The following GNG11 variants were observed in gnomAD, a reference collection of about 807,000 sequenced individuals.
GNG11 encodes the protein G protein subunit gamma 11.
Under a neutral mutation model 7.4 loss-of-function variants are expected in GNG11, and 6 were observed. That is an observed-to-expected ratio of 0.81 (90% CI 0.44 to 1.60). The LOEUF is 1.60. GNG11 is among the 40% of genes most tolerant of loss of function. The pLI is 0.01. For missense variants in GNG11, 65 were observed against 83.0 expected, an observed-to-expected ratio of 0.78 and a Z score of 0.84; for synonymous variants, 31 against 25.9, an observed-to-expected ratio of 1.20 and a Z score of -0.60.
intron 1 of GNG11, among the ~76,000 whole-genome samples, chr7:93,923,872 G>C (rs1794645281): frequency 6.6e-6 from 1 of 151,996 alleles, no homozygotes; most frequent in Non-Finnish European, 1.5e-5. Context: ...AAAAAACTTT[G>C]GATATATGTA....
rs372409469 is a variant in GNG11 at position 93,922,249 on chromosome 7, C to G, written c.96+16C>G. ...GAGACAACAAGTAAGTTGGCTGTTC[C>G]GGAATATTTCCTTCTCTGAAATGAA... is the stretch of plus-strand genomic sequence containing the variant. On this transcript the variant is annotated intron_variant, in intron 1 of 1. Transcript: ENST00000248564. 7.0e-7 allele frequency: 1 copy of G among 1,438,330 alleles called. No homozygotes were observed. Among genetic ancestry groups the G allele is most frequent in the South Asian group, 1.2e-5 (1 of 80,410 alleles). The allele number at this position is 1,438,330 out of a possible 1,614,324, so 89.1% of individuals were successfully genotyped here.
At chr7:93,923,363 T>C (rs1338841108) in intron 1 of GNG11, among the ~76,000 whole-genome samples, 2 of 152,186 alleles carry the variant, frequency 1.3e-5, no homozygotes, top group Admixed American at 1.3e-4. Flanking sequence ...AAATCCCGGC[T>C]CTTCCTAGCT....
intron 1 of GNG11, among the ~76,000 whole-genome samples, chr7:93,922,911 T>C (rs1794634457): frequency 6.6e-6 from 1 of 152,204 alleles, no homozygotes; most frequent in Non-Finnish European, 1.5e-5. Context: ...TGATAGAGAT[T>C]ACCATTTCAT....
chr7:93,924,939 C>T (rs565460686), intron 1 of GNG11, among the ~76,000 whole-genome samples: 13 of 152,234 alleles, frequency 8.5e-5, no homozygotes, highest in South Asian at 6.2e-4. Flanking sequence ...CCAAGGCGGG[C>T]GGATCACGAG....
chr7:93,922,340 T>C lies in GNG11; in HGVS notation c.96+107T>C. On this transcript the variant is annotated intron_variant, in intron 1 of 1. Coordinates refer to ENST00000248564, the MANE Select transcript of GNG11 (RefSeq NM_004126.4). ...TAGTTTAGCTTATTTTTCCCCCTTT[T>C]TGTAGCTTCTCTTCTCACCACCCTT... is the stretch of plus-strand genomic sequence containing the variant. 5 of 616,282 alleles carry C rather than the reference T, an allele frequency of 8.1e-6. No homozygotes were observed. The South Asian group carries it at 1.3e-4, about 15-fold the overall frequency. 38.2% of individuals were successfully genotyped at this position (616,282 alleles called of 1,614,324 possible).
Position 93,921,951 on chromosome 7 carries a change from T to C in GNG11, c.-187T>C. 2.1e-6 allele frequency: 1 copy of C among 474,130 alleles called. No homozygotes were observed. The highest frequency in any genetic ancestry group is 4.0e-5 in the South Asian group (1 of 24,774). 29.4% of individuals were successfully genotyped at this position (474,130 alleles called of 1,614,324 possible). ...CAGGTCCTAGGAAGCTGGGGCACGC[T>C]GGCGTGACAAGCGTCCCGGAGAAAG... On this transcript the variant is annotated 5_prime_UTR_variant, in exon 1 of 2. Transcript: ENST00000248564.
chr7:93,922,093 C>T lies in GNG11; in HGVS notation c.-45C>T. 2.4e-6 allele frequency: 3 copies of T among 1,261,754 alleles called. No homozygotes were observed. The highest frequency in any genetic ancestry group is 1.1e-6 in the Non-Finnish European group (1 of 903,036). The allele number at this position is 1,261,754 out of a possible 1,614,324, so 78.2% of individuals were successfully genotyped here. The stretch of plus-strand genomic sequence containing the variant: ...GCGCCGAGCTTCGCCGCTCTTCCAG[C>T]GGCTCCGCTGCCAGAGCTAGCCCGA... On this transcript the variant is annotated 5_prime_UTR_variant, in exon 1 of 2. Coordinates refer to ENST00000248564, the MANE Select transcript of GNG11 (RefSeq NM_004126.4).
In GNG11 at chr7:93,921,892, T is replaced by C. The variant is rs768193158; in HGVS notation, c.-246T>C. ...TCATCTAGCACCCGGGCAGGCCTCC[T>C]GGGTTGCAGGGACTTGAGAAAAGGC... On this transcript the variant is annotated 5_prime_UTR_variant, in exon 1 of 2. Coordinates refer to ENST00000248564, the MANE Select transcript of GNG11 (RefSeq NM_004126.4). 22 of 358,976 alleles carry C rather than the reference T, an allele frequency of 6.1e-5. No individual in the cohort carries two copies. In the Middle Eastern group the frequency reaches 2.3e-3, roughly 37 times the overall value. 22.2% of individuals were successfully genotyped at this position (358,976 alleles called of 1,614,324 possible). A position where few individuals can be genotyped will look rare whatever the true frequency, so the allele number is the denominator to read the frequency against.
rs1794617758 is a variant in GNG11 at position 93,922,023 on chromosome 7, C to A, written c.-115C>A. On this transcript the variant is annotated 5_prime_UTR_variant, in exon 1 of 2. Transcript: ENST00000248564. The stretch of plus-strand genomic sequence containing the variant: ...GACCGCAGCAGGGCTGCAGTCACAT[C>A]CTGCGCGGGTGGGCGGCGGGCCAGG... 3.4e-6 allele frequency: 2 copies of A among 591,594 alleles called. No homozygotes were observed. The highest frequency in any genetic ancestry group is 2.4e-5 in the South Asian group (1 of 41,286). 36.6% of individuals were successfully genotyped at this position (591,594 alleles called of 1,614,324 possible).
Position 93,921,958 on chromosome 7 carries a change from A to T in GNG11, c.-180A>T, listed in dbSNP as rs1794616290. 1 of 474,274 alleles carries T rather than the reference A, an allele frequency of 2.1e-6. No individual in the cohort carries two copies. Among genetic ancestry groups the T allele is most frequent in the Non-Finnish European group, 3.9e-6 (1 of 258,252 alleles). The allele number at this position is 474,274 out of a possible 1,614,324, so 29.4% of individuals were successfully genotyped here. ...TAGGAAGCTGGGGCACGCTGGCGTG[A>T]CAAGCGTCCCGGAGAAAGCCAAGCC... On this transcript the variant is annotated 5_prime_UTR_variant, in exon 1 of 2. Transcript: ENST00000248564.
At chr7:93,923,537 A>C (rs1247904603) in intron 1 of GNG11, among the ~76,000 whole-genome samples, 3 of 152,224 alleles carry the variant, frequency 2.0e-5, no homozygotes, top group African/African-American at 7.2e-5. Context: ...CAGTACAGCA[A>C]GTGCTGGCCA....
At position 93,926,136 on chromosome 7, in the gene GNG11, T is replaced by C; in HGVS notation, c.142T>C (p.Ser48Pro). 1 of 1,575,394 alleles carries C rather than the reference T, an allele frequency of 6.3e-7. No homozygotes were observed. Among genetic ancestry groups the C allele is most frequent in the Non-Finnish European group, 8.7e-7 (1 of 1,150,470 alleles). ...EEIKNYIEER[S>P]GEDPLVKGIP... ...AATAAAGAACTATATTGAAGAACGT[T>C]CTGGAGAGGATCCTCTAGTAAAGGG... Residue 48 changes from serine to proline, a missense_variant, in exon 2 of 2, where the codon TCT becomes CCT. Ser to Pro is a moderately conservative substitution (Grantham distance 74). Coordinates refer to ENST00000248564, the MANE Select transcript of GNG11 (RefSeq NM_004126.4).
At chr7:93,923,078 G>T (rs1407313518) in intron 1 of GNG11, among the ~76,000 whole-genome samples, 2 of 152,108 alleles carry the variant, frequency 1.3e-5, no homozygotes, top group African/African-American at 2.4e-5. Context: ...GACTAGGAAA[G>T]GTCTTTGAAT....
chr7:93,925,446 T>C (rs905451076), intron 1 of GNG11, among the ~76,000 whole-genome samples: 1 of 152,212 alleles, frequency 6.6e-6, no homozygotes, highest in African/African-American at 2.4e-5. Context: ...CTCAGATAAG[T>C]CTTTTATTAT....
chr7:93,926,073 T>C lies in GNG11; in HGVS notation c.97-18T>C, dbSNP rs1794675584. The stretch of plus-strand genomic sequence containing the variant: ...ACAACCCTAACCTAATGTATTCTCT[T>C]TTTTTTCTATACTTAAGGTGTCTAA... On this transcript the variant is annotated intron_variant, in intron 1 of 1. Transcript: ENST00000248564. The C allele has an allele frequency of 9.6e-6, 14 of 1,454,130 alleles. No individual in the cohort carries two copies. The highest frequency in any genetic ancestry group is 1.3e-5 in the Non-Finnish European group (14 of 1,073,476). 90.1% of individuals were successfully genotyped at this position (1,454,130 alleles called of 1,614,324 possible).
rs774550492 is a variant in GNG11, at chr7:93,926,243, G to A, written c.*27G>A. On this transcript the variant is annotated 3_prime_UTR_variant, in exon 2 of 2. Transcript: ENST00000248564. ...TAACTTGGGAGAAACTGCATCCTAA[G>A]TGGAAGAACTAGTTTGTTTTAGTTT... 1 of 1,536,286 alleles carries A rather than the reference G, an allele frequency of 6.5e-7. No homozygotes were observed. Among genetic ancestry groups the A allele is most frequent in the Non-Finnish European group, 8.8e-7 (1 of 1,141,432 alleles).
chr7:93,922,134 GA>G lies in GNG11; in HGVS notation c.1del. 6.3e-7 allele frequency: 1 copy of G among 1,581,392 alleles called. No individual in the cohort carries two copies. Among genetic ancestry groups the G allele is most frequent in the Non-Finnish European group, 8.6e-7 (1 of 1,156,774 alleles). ...GCTAGCCCGAGCCCGGTTCTGGGGCGAAAATGCCTGCCCTTCACATCGAAGA... is the reference window on the plus strand; with the variant it reads ...GCTAGCCCGAGCCCGGTTCTGGGGCGAAATGCCTGCCCTTCACATCGAAGA... On this transcript the variant is annotated 5_prime_UTR_variant, in exon 1 of 2. Transcript: ENST00000248564.
At position 93,927,582 on chromosome 7, in the gene GNG11, A is replaced by G. The variant is rs1794695241; in HGVS notation, c.*1366A>G. On this transcript the variant is annotated 3_prime_UTR_variant, in exon 2 of 2. Coordinates refer to ENST00000248564, the MANE Select transcript of GNG11 (RefSeq NM_004126.4). ...TCTCCTTGACTAGCTCTTTTCTCCC[A>G]CTTACACATGTAGGTATACCTTACT... 2 of 152,020 alleles carry G rather than the reference A, an allele frequency of 1.3e-5. No homozygotes were observed. Among genetic ancestry groups the G allele is most frequent in the South Asian group, 2.1e-4 (1 of 4,820 alleles). 9.4% of individuals were successfully genotyped at this position (152,020 alleles called of 1,614,324 possible).
chr7:93,922,638 C>T (rs1345490728), intron 1 of GNG11, among the ~76,000 whole-genome samples: 1 of 152,138 alleles, frequency 6.6e-6, no homozygotes, highest in African/African-American at 2.4e-5. Context: ...ATTTTAAAGT[C>T]TTACAAGTAC....
Sources: allele counts gnomAD v4.1 joint callset (sites outside exome capture counted in the v4.1 genomes callset), GRCh38; gene constraint gnomAD v4.1.1; transcripts MANE v1.5; gene names NCBI Gene and HGNC (gene_info 2026-07-23, HGNC 2026-07-21).